Variants in PRTG observed in about 807,000 individuals in gnomAD.
The protein encoded by PRTG is protogenin.
A neutral mutation model predicts 122.5 loss-of-function variants in PRTG; 67 were observed. The ratio of observed to expected loss-of-function variants is 0.55; its 90% CI spans 0.45 to 0.67. PRTG has a LOEUF of 0.67. Among genes scored for constraint, PRTG ranks in the 30% least tolerant of loss-of-function variants. The pLI, the probability that PRTG is intolerant of heterozygous loss-of-function variation, is 0.00. For synonymous variants in PRTG, 554 were observed against 501.1 expected (o/e 1.11, Z -1.41); for missense variants, 1,435 against 1,415.4 (o/e 1.01, Z -0.22).
Position 55,620,147 on chromosome 15 carries a change from A to AC in PRTG, c.3317dup (p.Val1107CysfsTer4). 1 of 1,614,192 alleles carries AC rather than the reference A, an allele frequency of 6.2e-7. No homozygotes were observed. Among genetic ancestry groups the AC allele is most frequent in the Non-Finnish European group, 8.5e-7 (1 of 1,180,040 alleles). On this transcript the variant is annotated frameshift_variant, in exon 20 of 20. Coordinates refer to ENST00000389286, the MANE Select transcript of PRTG (RefSeq NM_173814.6). LOFTEE classifies it high-confidence loss of function. ...CTGAATGTTCTGTATCAGCTGCAAC[A>AC]CCAAAGGGTCTTGAGAAGCTGGTTG...
At chr15:55,628,750 G>A (rs968911076) in intron 16 of PRTG, 72 bp downstream of exon 16, 3 of 1,186,194 alleles carry the variant, frequency 2.5e-6, no homozygotes, top group Non-Finnish European at 3.5e-6. Context: ...AATTGTAGGA[G>A]CAGAAATAAT....
At chr15:55,711,218 G>T (rs137868584) in intron 2 of PRTG, among the ~76,000 whole-genome samples, 65 of 151,894 alleles carry the variant, frequency 4.3e-4, no homozygotes, top group African/African-American at 1.5e-3. Flanking sequence ...CACTGCGTCC[G>T]GCCTAAAGGA....
Position 55,660,892 on chromosome 15 carries a change from G to A in PRTG, c.2041+11553C>T, listed in dbSNP as rs73423321. Among the ~76,000 whole-genome samples the A allele has an allele frequency of 7.7e-3, 1,169 of 152,252 alleles. 18 individuals are homozygous for A. Among genetic ancestry groups the A allele is most frequent in the African/African-American group, 0.027 (1,126 of 41,562 alleles). On this transcript the variant is annotated intron_variant, in intron 11 of 19. Transcript: ENST00000389286. ...AAATAGATCTGAGTATCTGAGTATC[G>A]TTATGTAATAAATTACGAAAATTTC... is the stretch of plus-strand genomic sequence containing the variant.
chr15:55,707,437 C>T (rs1045097857), intron 2 of PRTG, among the ~76,000 whole-genome samples: 2 of 152,210 alleles, frequency 1.3e-5, no homozygotes, highest in African/African-American at 4.8e-5. Context: ...TGTTAAAGGT[C>T]TTTGAATTGC....
chr15:55,706,389 G>C (rs1417789615), intron 2 of PRTG, among the ~76,000 whole-genome samples: 2 of 151,876 alleles, frequency 1.3e-5, no homozygotes, highest in African/African-American at 2.4e-5. Flanking sequence ...TAAAGGCACA[G>C]AGCAATAAGA....
At chr15:55,720,658 G>C (rs1328315201) in intron 2 of PRTG, among the ~76,000 whole-genome samples, 1 of 152,078 alleles carries the variant, frequency 6.6e-6, no homozygotes, top group Non-Finnish European at 1.5e-5. Context: ...TGCTCATCCT[G>C]CTCCATCCAC....
chr15:55,621,350 C>CA (rs370973472), intron 18 of PRTG, among the ~76,000 whole-genome samples: 20 of 147,620 alleles, frequency 1.4e-4, no homozygotes, highest in South Asian at 1.3e-3. Flanking sequence ...GGCTCCGTCT[C>CA]AAAAAAAACA....
chr15:55,663,905 T>G (rs1485659898), intron 11 of PRTG, among the ~76,000 whole-genome samples: 1 of 152,198 alleles, frequency 6.6e-6, no homozygotes, highest in Admixed American at 6.5e-5. Context: ...CTTTTAAGAC[T>G]GGCCTCTTTC....
chr15:55,741,909 T>C (rs12905693), intron 1 of PRTG, among the ~76,000 whole-genome samples: 56,989 of 152,070 alleles, frequency 0.37, 12,988 homozygotes, highest in Non-Finnish European at 0.52. Flanking sequence ...ACTAACCCCA[T>C]TGCAGAAAAA....
intron 13 of PRTG, 63 bp from the exon 14 acceptor site, chr15:55,638,739 C>A: frequency 6.9e-7 from 1 of 1,442,904 alleles, no homozygotes. Flanking sequence ...AAAAGAATGT[C>A]AGCATTTCCA....
intron 2 of PRTG, among the ~76,000 whole-genome samples, chr15:55,729,869 C>T (rs965860500): frequency 5.3e-5 from 8 of 152,234 alleles, no homozygotes; most frequent in Admixed American, 3.3e-4. Context: ...TCAACAAATG[C>T]CAAACCCCTA....
rs2031571971 is a variant in PRTG, at chr15:55,740,446, A to G, written c.333T>C (p.Tyr111=). 6.2e-7 allele frequency: 1 copy of G among 1,614,094 alleles called. No individual in the cohort carries two copies. The highest frequency in any genetic ancestry group is 1.3e-5 in the African/African-American group (1 of 74,924). Residue 111 remains tyrosine (Y), a synonymous_variant, in exon 2 of 20, where the codon TAT becomes TAC. Coordinates refer to ENST00000389286, the MANE Select transcript of PRTG (RefSeq NM_173814.6). ...CATATTTGTTCATTGCCAAGCACTG[A>G]TAAAATCCTTCATCGGACTGCTCTC... ...RRGEQSDEGF[Y]QCLAMNKYGA... is the part of the protein sequence containing the mutation.
At chr15:55,693,829 T>C (rs2059618157) in intron 2 of PRTG, among the ~76,000 whole-genome samples, 1 of 152,224 alleles carries the variant, frequency 6.6e-6, no homozygotes, top group Non-Finnish European at 1.5e-5. Flanking sequence ...GGCTCGGGAA[T>C]AGTGATAGAA....
chr15:55,660,589 G>A (rs186196487), intron 11 of PRTG, among the ~76,000 whole-genome samples: 2 of 152,222 alleles, frequency 1.3e-5, no homozygotes, highest in East Asian at 1.9e-4. Context: ...TTAAAAATAG[G>A]AGAATGAAAA....
chr15:55,695,850 AG>A lies in PRTG; in HGVS notation c.398-11920del, dbSNP rs1294617474. On this transcript the variant is annotated intron_variant, in intron 2 of 19. Coordinates refer to ENST00000389286, the MANE Select transcript of PRTG (RefSeq NM_173814.6). ...GCCAGGCATGGTGGTTCATACCTGT[AG>A]TCTCAGCTACTCTGGAGGCTGAGGC... Among the ~76,000 whole-genome samples, 5 of 151,990 alleles carry A rather than the reference AG, an allele frequency of 3.3e-5. No individual in the cohort carries two copies. The East Asian group carries it at 9.6e-4, about 29-fold the overall frequency.
chr15:55,632,888 G>A (rs1374672060), intron 15 of PRTG, among the ~76,000 whole-genome samples: 2 of 152,182 alleles, frequency 1.3e-5, no homozygotes, highest in Admixed American at 6.5e-5. Context: ...ATAGAGCCTG[G>A]CACATAGTCA....
At chr15:55,718,387 G>A (rs182248689) in intron 2 of PRTG, among the ~76,000 whole-genome samples, 41 of 151,728 alleles carry the variant, frequency 2.7e-4, no homozygotes, top group African/African-American at 8.7e-4. Flanking sequence ...TTTCCCTCCC[G>A]CCTGTCCCCT....
intron 11 of PRTG, among the ~76,000 whole-genome samples, chr15:55,671,243 C>G (rs749619142): frequency 6.6e-6 from 1 of 152,160 alleles, no homozygotes; most frequent in Non-Finnish European, 1.5e-5. Flanking sequence ...CATGGCTGTA[C>G]AGCTGAGCCT....
At position 55,740,520 on chromosome 15, in the gene PRTG, C is replaced by A. The variant is rs568489309; in HGVS notation, c.259G>T (p.Val87Phe). The A allele has an allele frequency of 1.8e-5, 29 of 1,614,148 alleles. No homozygotes were observed. The highest frequency in any genetic ancestry group is 2.7e-5 in the African/African-American group (2 of 75,040). ...AKMSENKRIE[V>F]LSNGSLYISE... ...ATGTATAAAGAGCCGTTAGAAAGAA[C>A]CTCGATCCGTTTATTTTCAGACATT... Residue 87 changes from valine to phenylalanine, a missense_variant, in exon 2 of 20, where the codon GTT becomes TTT. Coordinates refer to ENST00000389286, the MANE Select transcript of PRTG (RefSeq NM_173814.6).
Sources: gnomAD v4.1 joint callset for allele counts (sites outside exome capture counted in the v4.1 genomes callset) on GRCh38, gnomAD v4.1.1 for gene constraint, MANE v1.5 for transcripts, NCBI Gene and HGNC (gene_info 2026-07-23, HGNC 2026-07-21) for gene names.